Variants in EPB41L1 observed in about 807,000 individuals in gnomAD.
EPB41L1 encodes the protein band 4.1-like protein 1.
In EPB41L1, 29 loss-of-function variants were observed where a neutral mutation model predicts 97.8. The observed-to-expected ratio is 0.30, with a 90% CI of 0.22 to 0.40. The LOEUF (loss-of-function observed/expected upper bound fraction) is 0.40, where lower values mean the gene tolerates loss of function less well. Among genes scored for constraint, EPB41L1 ranks in the 10% least tolerant of loss-of-function variants. The probability of loss-of-function intolerance (pLI) is 1.00; values close to 1 mark genes in which losing one functional copy is unlikely to be tolerated. For missense variants in EPB41L1, 812 were observed against 1,162.3 expected, an observed-to-expected ratio of 0.70 and a Z score of 4.38; for synonymous variants, 383 against 459.2, an observed-to-expected ratio of 0.83 and a Z score of 2.12.
In EPB41L1 at chr20:36,188,581, A is replaced by AACACACACACACACAC. The variant is rs55990020; in HGVS notation, c.1026+128_1026+143dup. The AACACACACACACACAC allele has an allele frequency of 7.3e-5, 34 of 467,426 alleles. 1 individual carries two copies. The African/African-American group carries it at 8.3e-4, about 11-fold the overall frequency. The allele number at this position is 467,426 out of a possible 1,614,324, so 29.0% of individuals were successfully genotyped here. A position where few individuals can be genotyped will look rare whatever the true frequency, so the allele number is the denominator to read the frequency against. On this transcript the variant is annotated intron_variant, in intron 9 of 21. Coordinates refer to ENST00000338074, the MANE Select transcript of EPB41L1 (RefSeq NM_012156.2). Reference sequence around the variant, plus strand: ...CCCTGGCAGCTGGGCCTGGACTGCCAACACACACACACACACACACACACA... The same window carrying AACACACACACACACAC: ...CCCTGGCAGCTGGGCCTGGACTGCCAACACACACACACACACACACACACACACACACACACACACA...
In EPB41L1 at chr20:36,207,007, G is replaced by A. The variant is rs1231236805; in HGVS notation, c.1669-2481G>A. On this transcript the variant is annotated intron_variant, in intron 14 of 21. Coordinates refer to ENST00000338074, the MANE Select transcript of EPB41L1 (RefSeq NM_012156.2). The surrounding 1 kb of genome is among the most constrained non-coding windows in gnomAD (Gnocchi z 4.9). The stretch of plus-strand genomic sequence containing the variant: ...CTTCCCACCCAAAGAGAGGGGAGTG[G>A]TTCCCACCCAGAAAGGAGGGGCTGA... 1 of 1,289,918 alleles carries A rather than the reference G, an allele frequency of 7.8e-7. No homozygotes were observed. The highest frequency in any genetic ancestry group is 2.3e-5 in the Admixed American group (1 of 43,570). 79.9% of individuals were successfully genotyped at this position (1,289,918 alleles called of 1,614,324 possible).
Position 36,092,114 on chromosome 20 carries a change from C to A in EPB41L1, c.-65+502C>A, listed in dbSNP as rs992929394. On this transcript the variant is annotated intron_variant, in intron 1 of 19. Transcript: ENST00000202028. The surrounding 1 kb of genome is among the most constrained non-coding windows in gnomAD (Gnocchi z 7.0). ...CTGGAACGCACTGGGCTATCCTCCGCGAGCCCTGGCCGCGGGAACAATGGG... is the reference window on the plus strand; with the variant it reads ...CTGGAACGCACTGGGCTATCCTCCGAGAGCCCTGGCCGCGGGAACAATGGG... Among the ~76,000 whole-genome samples, 2 of 152,122 alleles carry A rather than the reference C, an allele frequency of 1.3e-5. No individual in the cohort carries two copies. Among genetic ancestry groups the A allele is most frequent in the Non-Finnish European group, 2.9e-5 (2 of 68,020 alleles).
Position 36,154,929 on chromosome 20 carries a change from G to A in EPB41L1, c.-15+33G>A. The A allele has an allele frequency of 9.0e-7, 1 of 1,108,832 alleles. No individual in the cohort carries two copies. The highest frequency in any genetic ancestry group is 1.1e-6 in the Non-Finnish European group (1 of 898,872). 68.7% of individuals were successfully genotyped at this position (1,108,832 alleles called of 1,614,324 possible). A position where few individuals can be genotyped will look rare whatever the true frequency, so the allele number is the denominator to read the frequency against. On this transcript the variant is annotated intron_variant, in intron 1 of 21. Coordinates refer to ENST00000338074, the MANE Select transcript of EPB41L1 (RefSeq NM_012156.2). The surrounding 1 kb of genome is among the most constrained non-coding windows in gnomAD (Gnocchi z 5.5). ...CATGGGGGAATCAGGTGGCTCTCGG[G>A]GCCGGGGGCTTGCAACATCTAGGCC...
At chr20:36,129,500 T>C (rs1215056276) in intron 2 of EPB41L1, among the ~76,000 whole-genome samples, 1 of 152,094 alleles carries the variant, frequency 6.6e-6, no homozygotes, top group African/African-American at 2.4e-5. Context: ...ATGAATGCAG[T>C]TGGGAGGCAT....
intron 11 of EPB41L1, among the ~76,000 whole-genome samples, chr20:36,191,344 T>C (rs1287274234): frequency 6.6e-6 from 1 of 152,132 alleles, no homozygotes; most frequent in Admixed American, 6.5e-5. Flanking sequence ...TGATTGACAA[T>C]CTAACCACAT....
chr20:36,132,901 C>T lies in EPB41L1; in HGVS notation c.-10+20421C>T, dbSNP rs552244703. Reference sequence around the variant, plus strand: ...CTGCCACAGAAAGCCAAGCAGCACCCGCTCCACACACCACCATCACTGCTG... The same window carrying T: ...CTGCCACAGAAAGCCAAGCAGCACCTGCTCCACACACCACCATCACTGCTG... On this transcript the variant is annotated intron_variant, in intron 2 of 19. Coordinates refer to the EPB41L1 transcript ENST00000202028. 3.1e-4 allele frequency among the ~76,000 whole-genome samples: 47 copies of T among 152,300 alleles called. No homozygotes were observed. The South Asian group carries it at 8.7e-3, about 28-fold the overall frequency.
chr20:36,209,843 T>C lies in EPB41L1; in HGVS notation c.2024T>C (p.Ile675Thr). 2.5e-6 allele frequency: 4 copies of C among 1,613,750 alleles called. No homozygotes were observed. The change falls in exon 15 of 22, where the codon ATT (isoleucine) becomes ACT (threonine). Residue 675 changes from isoleucine to threonine, a missense_variant. Around this residue, in one of 3 missense-constraint regions of EPB41L1, gnomAD observed 498 missense variants for 622.7 expected, o/e 0.80. Transcript: ENST00000338074. This position sits in a 1 kb window ranked among gnomAD's most constrained non-coding sequence, Gnocchi z 4.2. ...APSQDDESGG[I>T]EDSPDRGACS... is the part of the protein sequence containing the mutation. The stretch of plus-strand genomic sequence containing the variant: ...AGCCAGGATGATGAGTCTGGGGGCA[T>C]TGAGGACAGCCCGGATCGAGGGGCC...
chr20:36,110,910 A>G (rs1380529885), intron 1 of EPB41L1: 2 of 152,076 alleles, frequency 1.3e-5, no homozygotes, highest in Non-Finnish European at 2.9e-5. Flanking sequence ...TGTACAACCT[A>G]GTGGTTTAGC....
chr20:36,173,769 C>G lies in EPB41L1; in HGVS notation c.-9C>G. 2 of 1,614,070 alleles carry G rather than the reference C, an allele frequency of 1.2e-6. No homozygotes were observed. The highest frequency in any genetic ancestry group is 1.1e-5 in the South Asian group (1 of 91,078). ...TCTCCTTCATGCCAATGCAGGCGTGCTGGTCACCATGACAACAGAGACAGG... is the reference window on the plus strand; with the variant it reads ...TCTCCTTCATGCCAATGCAGGCGTGGTGGTCACCATGACAACAGAGACAGG... On this transcript the variant is annotated 5_prime_UTR_variant, in exon 2 of 22. Coordinates refer to ENST00000338074, the MANE Select transcript of EPB41L1 (RefSeq NM_012156.2).
At chr20:36,130,182 T>A (rs1369834563) in intron 2 of EPB41L1, among the ~76,000 whole-genome samples, 1 of 152,128 alleles carries the variant, frequency 6.6e-6, no homozygotes, top group Non-Finnish European at 1.5e-5. Context: ...CCTCAAGTGA[T>A]CTGCTCGCCT....
intron 2 of EPB41L1, among the ~76,000 whole-genome samples, chr20:36,134,076 G>A (rs1251276545): frequency 1.1e-4 from 16 of 152,084 alleles, no homozygotes. Flanking sequence ...TGCCTCCATT[G>A]TCTTTTTCTA....
chr20:36,137,786 A>G (rs983513850), intron 2 of EPB41L1, among the ~76,000 whole-genome samples: 1 of 152,200 alleles, frequency 6.6e-6, no homozygotes, highest in African/African-American at 2.4e-5. Flanking sequence ...GGCCTCCCAA[A>G]GTGCTGGGAT....
intron 7 of EPB41L1, among the ~76,000 whole-genome samples, chr20:36,185,893 G>A (rs2061664561): frequency 6.6e-6 from 1 of 152,218 alleles, no homozygotes; most frequent in Non-Finnish European, 1.5e-5. Context: ...TGTTAGTGTT[G>A]CTGTCTGTGG....
intron 2 of EPB41L1, among the ~76,000 whole-genome samples, chr20:36,125,739 A>G (rs1049275655): frequency 1.3e-4 from 20 of 152,106 alleles, no homozygotes; most frequent in Admixed American, 4.6e-4. Flanking sequence ...CGATGAAGAC[A>G]CTGCAGGGTA....
At chr20:36,114,171 A>G (rs1012574246) in intron 2 of EPB41L1, among the ~76,000 whole-genome samples, 1 of 152,140 alleles carries the variant, frequency 6.6e-6, no homozygotes, top group Non-Finnish European at 1.5e-5. Flanking sequence ...CGCCCTAGCT[A>G]CTTCTCAGTG....
chr20:36,226,615 T>C (rs2064169225), intron 21 of EPB41L1, among the ~76,000 whole-genome samples: 1 of 152,190 alleles, frequency 6.6e-6, no homozygotes, highest in Non-Finnish European at 1.5e-5. Context: ...ACCAAGATCA[T>C]CCATGCAGCA....
At chr20:36,179,474 T>C (rs946483248) in intron 5 of EPB41L1, among the ~76,000 whole-genome samples, 1 of 152,236 alleles carries the variant, frequency 6.6e-6, no homozygotes. Context: ...CCTGTGCTCT[T>C]TTCAAGGCCT....
chr20:36,182,463 C>A, intron 6 of EPB41L1, 116 bp downstream of exon 6: 1 of 1,113,600 alleles, frequency 9.0e-7, no homozygotes, highest in Non-Finnish European at 1.3e-6. Context: ...AGTCGCCTAC[C>A]GAGGTCAGGC....
At chr20:36,117,066 A>T (rs1415286931) in intron 2 of EPB41L1, among the ~76,000 whole-genome samples, 3 of 152,136 alleles carry the variant, frequency 2.0e-5, no homozygotes, top group Admixed American at 6.5e-5. Context: ...CTGCTGAAGG[A>T]GGGACATAAG....
Sources: gnomAD v4.1 joint callset for allele counts (sites outside exome capture counted in the v4.1 genomes callset) on GRCh38, gnomAD v4.1.1 for gene constraint, gnomAD v4.1.1 regional missense constraint, Gnocchi (gnomAD v3.1) non-coding constraint, MANE v1.5 for transcripts, NCBI Gene and HGNC (gene_info 2026-07-23, HGNC 2026-07-21) for gene names.